MGAT4B: variants seen among roughly 807,000 people sequenced by gnomAD.
MGAT4B encodes N-acetylglucosaminyltransferase IVb.
Under a neutral mutation model 73.9 loss-of-function variants are expected in MGAT4B, and 38 were observed. That is an observed-to-expected ratio of 0.51 (90% CI 0.40 to 0.67). The LOEUF is 0.67. MGAT4B is among the 30% of genes least tolerant of loss of function. The pLI is 0.00. For missense variants in MGAT4B, 686 were observed against 735.2 expected (o/e 0.93, Z 0.77); for synonymous variants, 373 against 313.5 (o/e 1.19, Z -2.01).
In MGAT4B at chr5:179,799,227, C is replaced by T. The variant is rs191964745; in HGVS notation, c.1125G>A (p.Leu375=). 1.2e-4 allele frequency: 187 copies of T among 1,614,002 alleles called. 2 individuals are homozygous for T. In the East Asian group the frequency reaches 3.1e-3, roughly 26 times the overall value. ...CCTTCAGTTTCTGGATCTTGCCAGC[C>T]AGCGAGGAGTGAGTGCCCACGTGCT... ...LFQHVGTHSS[L]AGKIQKLKDK... Residue 375 remains leucine, a synonymous_variant, in exon 10 of 15, where the codon CTG becomes CTA. Transcript: ENST00000292591.
chr5:179,805,071 GC>G (rs1757086589), intron 1 of MGAT4B: 1 of 152,266 alleles, frequency 6.6e-6, no homozygotes, highest in South Asian at 2.1e-4. Flanking sequence ...CACAGTGGGT[GC>G]CATGGAGCCA....
chr5:179,802,336 TTGCTTTTTGCAGC>T, intron 1 of MGAT4B: 1 of 1,344,378 alleles, frequency 7.4e-7, no homozygotes, highest in Non-Finnish European at 9.5e-7. Context: ...AAGCCCACTC[TTGCTTTTTGCAGC>T]ACACGCTCCC....
At position 179,801,442 on chromosome 5, in the gene MGAT4B, G is replaced by C. The variant is rs1240922779; in HGVS notation, c.450C>G (p.Ser150Arg). Residue 150 changes from serine to arginine, a missense_variant, in exon 4 of 15, where the codon AGC becomes AGG. Transcript: ENST00000292591. The surrounding 1 kb of genome is among the most constrained non-coding windows in gnomAD (Gnocchi z 4.8). The stretch of plus-strand genomic sequence containing the variant: ...GGTACGAGTGCACCTCGCGCCGCAC[G>C]CTCGGGATGCCCATCACCACCGACA... Reference protein sequence around the residue: ...TGVSVVMGIPSVRREVHSYLT... With the variant: ...TGVSVVMGIPRVRREVHSYLT... 6.2e-7 allele frequency: 1 copy of C among 1,608,440 alleles called. No homozygotes were observed.
At chr5:179,800,697 G>A in intron 5 of MGAT4B, 100 bp from the exon 6 acceptor site, 1 of 1,095,708 alleles carries the variant, frequency 9.1e-7, no homozygotes, top group Non-Finnish European at 1.3e-6. Flanking sequence ...CCCAGTGCCA[G>A]CCCCCCACCA....
At chr5:179,803,339 C>T (rs936103729) in intron 1 of MGAT4B, 1 of 926,222 alleles carries the variant, frequency 1.1e-6, no homozygotes. Context: ...CCAGGCTCCA[C>T]GCTGGGCTCA....
Position 179,797,821 on chromosome 5 carries a change from GCA to G in MGAT4B, c.*222_*223del, listed in dbSNP as rs1756711805. 1 of 565,300 alleles carries G rather than the reference GCA, an allele frequency of 1.8e-6. No individual in the cohort carries two copies. Among genetic ancestry groups the G allele is most frequent in the Non-Finnish European group, 3.0e-6 (1 of 330,958 alleles). The allele number at this position is 565,300 out of a possible 1,614,324, so 35.0% of individuals were successfully genotyped here. A position where few individuals can be genotyped will look rare whatever the true frequency, so the allele number is the denominator to read the frequency against. ...GGGTGCGAACGGTTCCGGGCCTCAG[GCA>G]CAGTGTGGGGGCCGCCTGCCTCCTC... On this transcript the variant is annotated 3_prime_UTR_variant, in exon 15 of 15. Coordinates refer to ENST00000292591, the MANE Select transcript of MGAT4B (RefSeq NM_014275.5).
In MGAT4B at chr5:179,801,945, C is replaced by T. The variant is rs767188441; in HGVS notation, c.122G>A (p.Arg41Gln). ...QKGDVVDVYQ[R>Q]EFLALRDRLH... Reference sequence around the variant, plus strand: ...CCGATCGCGCAGCGCCAGGAACTCCCGCTGGTAAACGTCCACAACGTCGCC... The same window carrying T: ...CCGATCGCGCAGCGCCAGGAACTCCTGCTGGTAAACGTCCACAACGTCGCC... Residue 41 changes from arginine (R) to glutamine (Q), a missense_variant, in exon 2 of 15, where the codon CGG becomes CAG. Physicochemically the swap from Arg to Gln is conservative, Grantham distance 43 (BLOSUM62 1). This residue lies in a region of MGAT4B where 237 missense variants were observed against 198.5 expected (regional missense o/e 1.19). Coordinates refer to ENST00000292591, the MANE Select transcript of MGAT4B (RefSeq NM_014275.5). The surrounding 1 kb of genome is among the most constrained non-coding windows in gnomAD (Gnocchi z 4.8). 8 of 1,613,280 alleles carry T rather than the reference C, an allele frequency of 5.0e-6. No individual in the cohort carries two copies. The highest frequency in any genetic ancestry group is 2.2e-5 in the East Asian group (1 of 44,892).
In MGAT4B at chr5:179,800,176, G is replaced by T; in HGVS notation, c.795+8C>A. Reference sequence around the variant, plus strand: ...GCAGGGCAGGGCAACGCAGGGCTTGGGGCTGACCTGCACGTAGTAGATGCC... The same window carrying T: ...GCAGGGCAGGGCAACGCAGGGCTTGTGGCTGACCTGCACGTAGTAGATGCC... On this transcript the variant is annotated splice_region_variant and intron_variant, in intron 7 of 14. Transcript: ENST00000292591. 6.2e-7 allele frequency: 1 copy of T among 1,613,686 alleles called. No homozygotes were observed. The highest frequency in any genetic ancestry group is 8.5e-7 in the Non-Finnish European group (1 of 1,179,938).
intron 1 of MGAT4B, chr5:179,803,428 AC>A: frequency 4.2e-6 from 1 of 236,840 alleles, no homozygotes; most frequent in Non-Finnish European, 6.9e-6. Flanking sequence ...GCTGGGTGAC[AC>A]CAGGTGTAGG....
At chr5:179,798,850 A>G (rs1756775783) in intron 11 of MGAT4B, 78 bp downstream of exon 11, 3 of 1,526,164 alleles carry the variant, frequency 2.0e-6, no homozygotes, top group South Asian at 1.2e-5. Flanking sequence ...GAACGTGAGG[A>G]TAACTTGCCG....
In MGAT4B at chr5:179,800,174, T is replaced by C. The variant is rs374993007; in HGVS notation, c.795+10A>G. 1.3e-5 allele frequency: 21 copies of C among 1,611,792 alleles called. No homozygotes were observed. The highest frequency in any genetic ancestry group is 1.8e-5 in the Non-Finnish European group (21 of 1,179,684). On this transcript the variant is annotated intron_variant, in intron 7 of 14. Transcript: ENST00000292591. The stretch of plus-strand genomic sequence containing the variant: ...GGGCAGGGCAGGGCAACGCAGGGCT[T>C]GGGGCTGACCTGCACGTAGTAGATG...
intron 5 of MGAT4B, 130 bp downstream of exon 5, chr5:179,800,772 ACCCCT>A: frequency 9.8e-7 from 1 of 1,019,332 alleles, no homozygotes; most frequent in Non-Finnish European, 1.4e-6. Flanking sequence ...CTGCACACCC[ACCCCT>A]CCCCCACCAG....
chr5:179,800,274 G>T lies in MGAT4B; in HGVS notation c.720-15C>A. On this transcript the variant is annotated splice_polypyrimidine_tract_variant and intron_variant, in intron 6 of 14. Coordinates refer to ENST00000292591, the MANE Select transcript of MGAT4B (RefSeq NM_014275.5). Reference sequence around the variant, plus strand: ...TGGTCCTCCACCTGTGGGCCGGGGCGGGGCCTCAGAAGTTCAGACCCCTCC... The same window carrying T: ...TGGTCCTCCACCTGTGGGCCGGGGCTGGGCCTCAGAAGTTCAGACCCCTCC... 6.2e-7 allele frequency: 1 copy of T among 1,612,974 alleles called. No homozygotes were observed. The highest frequency in any genetic ancestry group is 8.5e-7 in the Non-Finnish European group (1 of 1,179,906).
Position 179,798,185 on chromosome 5 carries a change from C to G in MGAT4B, c.1603G>C (p.Val535Leu). 1 of 1,596,326 alleles carries G rather than the reference C, an allele frequency of 6.3e-7. No individual in the cohort carries two copies. Among genetic ancestry groups the G allele is most frequent in the Non-Finnish European group, 8.5e-7 (1 of 1,170,594 alleles). ...CTCACCTCGCTCAGAATCACCCACACAGGGGAGTCCGTCTGGATCGAGAGG... is the reference window on the plus strand; with the variant it reads ...CTCACCTCGCTCAGAATCACCCACAGAGGGGAGTCCGTCTGGATCGAGAGG... ...LRLSIQTDSPVWVILSEIFLK... is the reference protein window; with the variant it reads ...LRLSIQTDSPLWVILSEIFLK... Residue 535 changes from valine to leucine, a missense_variant, in exon 14 of 15, where the codon GTG becomes CTG. This residue lies in a region of MGAT4B where 449 missense variants were observed against 536.8 expected (regional missense o/e 0.84). Coordinates refer to ENST00000292591, the MANE Select transcript of MGAT4B (RefSeq NM_014275.5).
At chr5:179,799,899 G>A (rs903606616) in intron 8 of MGAT4B, 55 bp downstream of exon 8, 9 of 1,495,572 alleles carry the variant, frequency 6.0e-6, no homozygotes, top group Admixed American at 3.4e-5. Context: ...TGGGAGAGAG[G>A]ATGGCAGAGG....
Position 179,798,369 on chromosome 5 carries a change from GCTC to G in MGAT4B, c.1485_1487del (p.Ser496del). On this transcript the variant is annotated inframe_deletion, in exon 13 of 15. Transcript: ENST00000292591. ...CACCGATCTGGAGGTAGCCGTCGGG[GCTC>G]CGAGGGTACCGGAGGGTGGCGGTGC... 6.2e-7 allele frequency: 1 copy of G among 1,613,040 alleles called. No individual in the cohort carries two copies. Among genetic ancestry groups the G allele is most frequent in the Non-Finnish European group, 8.5e-7 (1 of 1,179,994 alleles).
chr5:179,799,703 C>G (rs60822577), intron 8 of MGAT4B, 67 bp from the exon 9 acceptor site: 2 of 1,604,166 alleles, frequency 1.2e-6, no homozygotes, highest in South Asian at 1.1e-5. Flanking sequence ...CAGCGGCCCC[C>G]GAGTCCCACA....
At chr5:179,805,790 TACTCGGCCCC>T (rs1757123718) in intron 1 of MGAT4B, among the ~76,000 whole-genome samples, 1 of 152,178 alleles carries the variant, frequency 6.6e-6, no homozygotes, top group Non-Finnish European at 1.5e-5. Flanking sequence ...GCTCAGGCCC[TACTCGGCCCC>T]ACCATCGCCA....
In MGAT4B at chr5:179,798,399, G is replaced by A. The variant is rs200916134; in HGVS notation, c.1458C>T (p.Gly486=). Reference sequence around the variant, plus strand: ...GAGGGTACCGGAGGGTGGCGGTGCGGCCCTCCTGCAGGGCCTCCTTGTCTG... The same window carrying A: ...GAGGGTACCGGAGGGTGGCGGTGCGACCCTCCTGCAGGGCCTCCTTGTCTG... ...PQSDKEALQE[G]RTATLRYPRS... Residue 486 remains glycine (G), a synonymous_variant, in exon 13 of 15, where the codon GGC becomes GGT. Coordinates refer to ENST00000292591, the MANE Select transcript of MGAT4B (RefSeq NM_014275.5). 1 of 1,612,672 alleles carries A rather than the reference G, an allele frequency of 6.2e-7. No homozygotes were observed. The highest frequency in any genetic ancestry group is 8.5e-7 in the Non-Finnish European group (1 of 1,179,904).
Sources: allele counts gnomAD v4.1 joint callset (sites outside exome capture counted in the v4.1 genomes callset), GRCh38; gene constraint gnomAD v4.1.1; regional missense constraint gnomAD v4.1.1; non-coding constraint Gnocchi (gnomAD v3.1); transcripts MANE v1.5; gene names NCBI Gene and HGNC (gene_info 2026-07-23, HGNC 2026-07-21).